The following SGCZ variants were observed in gnomAD, a reference collection of about 807,000 sequenced individuals.
SGCZ encodes the protein sarcoglycan zeta.
In SGCZ, 40 loss-of-function variants were observed where a neutral mutation model predicts 41.3. That is an observed-to-expected ratio of 0.97 (90% CI 0.75 to 1.26). SGCZ has a LOEUF of 1.26. Among genes scored for constraint, SGCZ ranks in the 50% most tolerant of loss-of-function variants. SGCZ has a pLI of 0.00. For synonymous variants in SGCZ, 206 were observed against 137.5 expected (o/e 1.50, Z -3.49); for missense variants, 552 against 369.8 (o/e 1.49, Z -4.04).
intron 1 of SGCZ, among the ~76,000 whole-genome samples, chr8:14,555,875 T>A (rs1416225066): frequency 3.3e-5 from 5 of 152,104 alleles, no homozygotes; most frequent in African/African-American, 1.2e-4. Context: ...TTCAGAATTA[T>A]GTTGGTTATT....
At chr8:14,294,104 C>T (rs570076104) in intron 3 of SGCZ, among the ~76,000 whole-genome samples, 3 of 151,684 alleles carry the variant, frequency 2.0e-5, no homozygotes, top group Admixed American at 6.6e-5. Context: ...ATTACAACCA[C>T]CAGACATTAC....
chr8:15,092,824 G>C (rs1028864690), intron 1 of SGCZ, among the ~76,000 whole-genome samples: 3 of 152,126 alleles, frequency 2.0e-5, no homozygotes, highest in African/African-American at 4.8e-5. Context: ...CATTGTCTGG[G>C]CTTCTTGAGA....
intron 1 of SGCZ, among the ~76,000 whole-genome samples, chr8:14,639,319 G>C (rs980925359): frequency 2.6e-5 from 4 of 151,538 alleles, no homozygotes; most frequent in African/African-American, 9.7e-5. Context: ...AGAGCCATTT[G>C]AGTGCTGTCA....
chr8:14,111,216 T>C (rs1802361157), intron 5 of SGCZ, among the ~76,000 whole-genome samples: 1 of 152,166 alleles, frequency 6.6e-6, no homozygotes, highest in Non-Finnish European at 1.5e-5. Context: ...CAAATCATTT[T>C]TTAGTATAAG....
At chr8:14,158,549 T>G (rs13269652) in intron 5 of SGCZ, among the ~76,000 whole-genome samples, 51,771 of 151,878 alleles carry the variant, frequency 0.34, 11,245 homozygotes, top group Non-Finnish European at 0.49. Context: ...CCTTGCATCC[T>G]TCAATCCAAT....
chr8:14,917,161 T>C (rs544330041), intron 1 of SGCZ, among the ~76,000 whole-genome samples: 1 of 152,090 alleles, frequency 6.6e-6, no homozygotes, highest in African/African-American at 2.4e-5. Context: ...AGGGCCTGAA[T>C]TGTCAATCAT....
chr8:14,949,614 T>C (rs1037595281), intron 1 of SGCZ, among the ~76,000 whole-genome samples: 7 of 152,082 alleles, frequency 4.6e-5, no homozygotes, highest in African/African-American at 1.7e-4. Flanking sequence ...TATTGAGACA[T>C]GGAGACATTT....
At chr8:14,485,270 C>A (rs1801641812) in intron 2 of SGCZ, among the ~76,000 whole-genome samples, 2 of 152,124 alleles carry the variant, frequency 1.3e-5, no homozygotes, top group African/African-American at 4.8e-5. Context: ...CCTCCCTCCA[C>A]CCCCTGCCCC....
intron 1 of SGCZ, among the ~76,000 whole-genome samples, chr8:14,624,555 A>ATTATTATTATT (rs1438250019): frequency 1.8e-4 from 17 of 96,240 alleles, no homozygotes; most frequent in Non-Finnish European, 2.0e-4. Flanking sequence ...TATTATTATT[A>ATTATTATTATT]TTTTTTTTTT....
rs1165606551 is a variant in SGCZ, at chr8:14,090,056, C to G, written c.*387G>C. On this transcript the variant is annotated 3_prime_UTR_variant, in exon 8 of 8. Coordinates refer to ENST00000382080, the MANE Select transcript of SGCZ (RefSeq NM_139167.4). ...AGAATAAGTTTTCTTACAGGGTTAA[C>G]CATTTCATCTTGCCATTGGATACTG... is the stretch of plus-strand genomic sequence containing the variant. The G allele has an allele frequency of 6.4e-6, 1 of 157,036 alleles. No homozygotes were observed. Among genetic ancestry groups the G allele is most frequent in the Non-Finnish European group, 1.4e-5 (1 of 71,238 alleles). The allele number at this position is 157,036 out of a possible 1,614,324, so 9.7% of individuals were successfully genotyped here. A position where few individuals can be genotyped will look rare whatever the true frequency, so the allele number is the denominator to read the frequency against.
At chr8:14,646,335 G>C (rs773496795) in intron 1 of SGCZ, among the ~76,000 whole-genome samples, 1 of 151,882 alleles carries the variant, frequency 6.6e-6, no homozygotes, top group Non-Finnish European at 1.5e-5. Flanking sequence ...AATTCACTTA[G>C]GATAATGGAC....
intron 1 of SGCZ, among the ~76,000 whole-genome samples, chr8:14,978,698 T>C (rs574998596): frequency 2.2e-4 from 34 of 152,066 alleles, no homozygotes; most frequent in African/African-American, 8.0e-4. Context: ...GAAATACCTT[T>C]CTTTAATAAA....
chr8:15,198,757 T>C (rs967580931), intron 1 of SGCZ, among the ~76,000 whole-genome samples: 1 of 152,162 alleles, frequency 6.6e-6, no homozygotes, highest in Non-Finnish European at 1.5e-5. Flanking sequence ...ATACACAATA[T>C]TGAGCATGGG....
intron 1 of SGCZ, among the ~76,000 whole-genome samples, chr8:15,099,628 T>A (rs1806525267): frequency 6.6e-6 from 1 of 152,120 alleles, no homozygotes; most frequent in Non-Finnish European, 1.5e-5. Context: ...GAGGCCAGCA[T>A]TACCCTAATA....
chr8:14,332,707 AC>A (rs1204174992), intron 2 of SGCZ: 3 of 151,692 alleles, frequency 2.0e-5, no homozygotes, highest in Admixed American at 6.6e-5. Context: ...ATAAGGAACC[AC>A]CCAGAGTATT....
intron 4 of SGCZ, among the ~76,000 whole-genome samples, chr8:14,228,789 T>C (rs1183128531): frequency 6.6e-6 from 1 of 152,106 alleles, no homozygotes; most frequent in Non-Finnish European, 1.5e-5. Flanking sequence ...CAACTAAAGT[T>C]ACTGTTACCA....
intron 7 of SGCZ, among the ~76,000 whole-genome samples, chr8:14,101,731 G>C (rs1166625814): frequency 6.7e-6 from 1 of 150,176 alleles, no homozygotes; most frequent in African/African-American, 2.5e-5. Context: ...AACAACCAAA[G>C]TGCTTTCTGG....
chr8:15,184,956 G>A (rs2117095872), intron 1 of SGCZ, among the ~76,000 whole-genome samples: 1 of 152,098 alleles, frequency 6.6e-6, no homozygotes, highest in East Asian at 1.9e-4. Flanking sequence ...CTGTAACTGG[G>A]GAGTCTCTAG....
chr8:15,060,354 T>C (rs1397578494), intron 1 of SGCZ, among the ~76,000 whole-genome samples: 2 of 151,526 alleles, frequency 1.3e-5, no homozygotes, highest in African/African-American at 2.4e-5. Flanking sequence ...AAAGGATGAG[T>C]TCATGTCCTT....
Sources: gnomAD v4.1 joint callset for allele counts (sites outside exome capture counted in the v4.1 genomes callset) on GRCh38, gnomAD v4.1.1 for gene constraint, MANE v1.5 for transcripts, NCBI Gene and HGNC (gene_info 2026-07-23, HGNC 2026-07-21) for gene names.